Variants in MTSS2 observed in about 807,000 individuals in gnomAD.
MTSS2 encodes the protein MTSS I-BAR domain containing 2, also known as protein MTSS 2.
Under a neutral mutation model 67.1 loss-of-function variants are expected in MTSS2, and 27 were observed. The ratio of observed to expected loss-of-function variants is 0.40; its 90% CI spans 0.30 to 0.55. MTSS2 has a LOEUF of 0.55. MTSS2 is among the 20% of genes least tolerant of loss of function. The pLI is 0.43. For synonymous variants in MTSS2, 624 were observed against 468.6 expected (o/e 1.33, Z -4.28); for missense variants, 1,171 against 1,067.8 (o/e 1.10, Z -1.35).
At position 70,663,490 on chromosome 16, in the gene MTSS2, G is replaced by T; in HGVS notation, c.*187C>A. 8.6e-7 allele frequency: 1 copy of T among 1,168,092 alleles called. No individual in the cohort carries two copies. The highest frequency in any genetic ancestry group is 1.2e-6 in the Non-Finnish European group (1 of 864,962). 72.4% of individuals were successfully genotyped at this position (1,168,092 alleles called of 1,614,324 possible). A position where few individuals can be genotyped will look rare whatever the true frequency, so the allele number is the denominator to read the frequency against. On this transcript the variant is annotated 3_prime_UTR_variant, in exon 15 of 15. Coordinates refer to ENST00000338779, the MANE Select transcript of MTSS2 (RefSeq NM_138383.3). ...GGCCTGCAGGCTCCGTCCTGGCCAGGCTTGCTAAGAAGTCACTTCCTGTTT... is the reference window on the plus strand; with the variant it reads ...GGCCTGCAGGCTCCGTCCTGGCCAGTCTTGCTAAGAAGTCACTTCCTGTTT...
At chr16:70,667,789 C>T (rs1479953497) in intron 11 of MTSS2, among the ~76,000 whole-genome samples, 1 of 152,110 alleles carries the variant, frequency 6.6e-6, no homozygotes, top group Non-Finnish European at 1.5e-5. Flanking sequence ...ACGAGAATAG[C>T]TTGAACCCAG....
intron 11 of MTSS2, among the ~76,000 whole-genome samples, chr16:70,672,733 T>A (rs2052985323): frequency 7.1e-6 from 1 of 141,328 alleles, no homozygotes; most frequent in Non-Finnish European, 1.5e-5. Context: ...GAAGAAATGA[T>A]CCAGAATATA....
At position 70,661,646 on chromosome 16, in the gene MTSS2, G is replaced by C. The variant is rs377044047; in HGVS notation, c.*2031C>G. On this transcript the variant is annotated 3_prime_UTR_variant, in exon 15 of 15. Transcript: ENST00000338779. ...CTAAGTCGACGCAAGGGCGGCGGGG[G>C]TGGTCTCAGGGATGGACAAGGGGAT... The C allele has an allele frequency of 5.9e-6, 2 of 338,298 alleles. No individual in the cohort carries two copies. Among genetic ancestry groups the C allele is most frequent in the African/African-American group, 2.2e-5 (1 of 45,872 alleles). 21.0% of individuals were successfully genotyped at this position (338,298 alleles called of 1,614,324 possible). A position where few individuals can be genotyped will look rare whatever the true frequency, so the allele number is the denominator to read the frequency against.
Position 70,665,108 on chromosome 16 carries a change from G to T in MTSS2, c.1129-12C>A, listed in dbSNP as rs1181036163. 1.3e-6 allele frequency: 2 copies of T among 1,585,836 alleles called. No individual in the cohort carries two copies. The highest frequency in any genetic ancestry group is 1.3e-5 in the African/African-American group (1 of 74,854). ...ACCTTGGACCAGTCCTGCAGGGAGG[G>T]TGTGGCAGGTCAGGGGGACCACTGG... On this transcript the variant is annotated splice_polypyrimidine_tract_variant and intron_variant, in intron 12 of 14. Coordinates refer to ENST00000338779, the MANE Select transcript of MTSS2 (RefSeq NM_138383.3).
intron 11 of MTSS2, among the ~76,000 whole-genome samples, chr16:70,670,003 G>T (rs1365031794): frequency 6.6e-6 from 1 of 152,154 alleles, no homozygotes; most frequent in African/African-American, 2.4e-5. Context: ...AGGTGTGGTG[G>T]CTCATGCCTG....
rs1031659149 is a variant in MTSS2, at chr16:70,664,709, C to T, written c.1360G>A (p.Gly454Ser). Residue 454 changes from glycine (G) to serine (S), a missense_variant, in exon 14 of 15, where the codon GGC (glycine) becomes AGC (serine). This residue lies in a region of MTSS2 where 924 missense variants were observed against 756.0 expected (regional missense o/e 1.22). Coordinates refer to ENST00000338779, the MANE Select transcript of MTSS2 (RefSeq NM_138383.3). Reference protein sequence around the residue: ...ASDLAMVLTRGLSLEHQKSSR... With the variant: ...ASDLAMVLTRSLSLEHQKSSR... ...CTCTTCTGGTGCTCCAGGCTCAGGC[C>T]CCGCGTCAGCACCATGGCCAGGTCA... 2 of 1,613,128 alleles carry T rather than the reference C, an allele frequency of 1.2e-6. No homozygotes were observed. Among genetic ancestry groups the T allele is most frequent in the African/African-American group, 1.3e-5 (1 of 75,054 alleles).
At chr16:70,674,555 G>A (rs1311959726) in intron 10 of MTSS2, 27 bp from the exon 11 acceptor site, 3 of 1,600,482 alleles carry the variant, frequency 1.9e-6, no homozygotes, top group Non-Finnish European at 2.6e-6. Flanking sequence ...AGAGGGCACA[G>A]CAGCCAGACA....
intron 10 of MTSS2, among the ~76,000 whole-genome samples, chr16:70,675,985 T>C (rs569691848): frequency 1.4e-4 from 21 of 152,356 alleles, no homozygotes; most frequent in African/African-American, 4.6e-4. Context: ...TGCTCATGGC[T>C]GTCCCCTGCA....
At chr16:70,674,673 C>G in intron 10 of MTSS2, 145 bp from the exon 11 acceptor site, 1 of 716,958 alleles carries the variant, frequency 1.4e-6, no homozygotes, top group African/African-American at 1.8e-5. Context: ...GTCCTGAGAC[C>G]CAGGTGCTAC....
At chr16:70,678,178 C>A (rs2053181491) in intron 8 of MTSS2, 74 bp downstream of exon 8, 2 of 1,507,530 alleles carry the variant, frequency 1.3e-6, no homozygotes, top group Non-Finnish European at 1.8e-6. Flanking sequence ...TGAGAAGTGA[C>A]CCTTCTTGGA....
chr16:70,677,872 T>A lies in MTSS2; in HGVS notation c.652A>T (p.Ile218Phe), dbSNP rs200332702. 5 of 1,611,370 alleles carry A rather than the reference T, an allele frequency of 3.1e-6. No homozygotes were observed. The African/African-American group carries it at 6.7e-5, about 21-fold the overall frequency. The change falls in exon 9 of 15, where the codon ATC (isoleucine) becomes TTC (phenylalanine). Residue 218 changes from isoleucine to phenylalanine, a missense_variant. By Grantham distance (21) the Ile-to-Phe change is conservative. This residue lies in a region of MTSS2 where 247 missense variants were observed against 311.8 expected (regional missense o/e 0.79). Transcript: ENST00000338779. ...VNGELTMLGE[I>F]THLQGIIDDL... ...TCGATGATGCCCTGCAGGTGGGTGA[T>A]CTCTCCCAGCATGGTCAGCTCTCCA...
At chr16:70,670,203 G>A (rs1373276339) in intron 11 of MTSS2, among the ~76,000 whole-genome samples, 2 of 152,158 alleles carry the variant, frequency 1.3e-5, no homozygotes, top group African/African-American at 4.8e-5. Context: ...TCCCAAGGAT[G>A]GAGGTTGCAG....
At chr16:70,664,824 A>G in intron 13 of MTSS2, 61 bp from the exon 14 acceptor site, 4 of 1,533,646 alleles carry the variant, frequency 2.6e-6, no homozygotes, top group East Asian at 2.4e-5. Context: ...CCCAAATTCC[A>G]GGCAGCCCTG....
intron 11 of MTSS2, among the ~76,000 whole-genome samples, chr16:70,671,389 G>C (rs371157619): frequency 2.7e-5 from 4 of 149,532 alleles, no homozygotes; most frequent in African/African-American, 9.9e-5. Context: ...GCAATGGAGC[G>C]AGAGTCTGTG....
rs146811320 is a variant in MTSS2, at chr16:70,664,679, G to A, written c.1390C>T (p.Arg464Trp). 52 of 1,613,282 alleles carry A rather than the reference G, an allele frequency of 3.2e-5. 1 individual carries two copies. Among genetic ancestry groups the A allele is most frequent in the South Asian group, 1.3e-4 (12 of 91,018 alleles). ...GLSLEHQKSS[R>W]DSLQYSSGYS... ...CCGCTGGAGTACTGCAGCGAGTCCC[G>A]GCTGCTCTTCTGGTGCTCCAGGCTC... Residue 464 changes from arginine (R) to tryptophan (W), a missense_variant, in exon 14 of 15, where the codon CGG (arginine) becomes TGG (tryptophan). By Grantham distance (101) the Arg-to-Trp change is moderately radical. Coordinates refer to ENST00000338779, the MANE Select transcript of MTSS2 (RefSeq NM_138383.3).
intron 1 of MTSS2, among the ~76,000 whole-genome samples, chr16:70,684,193 C>T (rs147288934): frequency 2.6e-5 from 4 of 152,110 alleles, no homozygotes; most frequent in South Asian, 2.1e-4. Flanking sequence ...AAGGCCCATC[C>T]GGAGCCAGCT....
chr16:70,671,189 C>T (rs993430870), intron 11 of MTSS2, among the ~76,000 whole-genome samples: 7 of 151,600 alleles, frequency 4.6e-5, no homozygotes, highest in South Asian at 2.1e-4. Context: ...CTGGCACAGG[C>T]GGATCACTTG....
At chr16:70,677,220 G>A (rs187210355) in intron 9 of MTSS2, among the ~76,000 whole-genome samples, 343 of 152,310 alleles carry the variant, frequency 2.3e-3, no homozygotes, top group Non-Finnish European at 4.0e-3. Context: ...TGGGCTGGGC[G>A]AGAGTGACCC....
chr16:70,665,314 T>C (rs2052670360), intron 12 of MTSS2, 152 bp downstream of exon 12: 1 of 963,944 alleles, frequency 1.0e-6, no homozygotes, highest in African/African-American at 1.6e-5. Flanking sequence ...CTGTAGGAAA[T>C]GGCCAGGTGG....
Sources: allele counts gnomAD v4.1 joint callset (sites outside exome capture counted in the v4.1 genomes callset), GRCh38; gene constraint gnomAD v4.1.1; regional missense constraint gnomAD v4.1.1; transcripts MANE v1.5; gene names NCBI Gene and HGNC (gene_info 2026-07-23, HGNC 2026-07-21).